SGCG: variants seen among roughly 807,000 people sequenced by gnomAD.
SGCG encodes the protein gamma-sarcoglycan.
Under a neutral mutation model 29.3 loss-of-function variants are expected in SGCG, and 26 were observed. The observed-to-expected ratio is 0.89, with a 90% CI of 0.65 to 1.23. The LOEUF (loss-of-function observed/expected upper bound fraction) is 1.23. Ranked by LOEUF, SGCG falls within the 50% of genes most tolerant of loss-of-function variation. The pLI is 0.00. For missense variants in SGCG, 353 were observed against 356.0 expected (o/e 0.99, Z 0.07); for synonymous variants, 145 against 129.7 (o/e 1.12, Z -0.80).
intron 3 of SGCG, among the ~76,000 whole-genome samples, chr13:23,235,175 C>T (rs1879260484): frequency 6.6e-6 from 1 of 152,102 alleles, no homozygotes. Context: ...GCTTGGCCAA[C>T]ATGGATAAAC....
At position 23,294,055 on chromosome 13, in the gene SGCG, G is replaced by A. The variant is rs372151032; in HGVS notation, c.506-1360G>A. 2.1e-4 allele frequency among the ~76,000 whole-genome samples: 32 copies of A among 152,222 alleles called. No homozygotes were observed. The East Asian group carries it at 5.0e-3, about 24-fold the overall frequency. On this transcript the variant is annotated intron_variant, in intron 5 of 7. Coordinates refer to ENST00000218867, the MANE Select transcript of SGCG (RefSeq NM_000231.3). ...GCCTTCTACAAAGCCATGGCAAGTC[G>A]GGGACCCTCTGTATTTCCTAAAGAG... is the stretch of plus-strand genomic sequence containing the variant.
the SGCG span, among the ~76,000 whole-genome samples, chr13:23,174,530 T>TA: frequency 6.6e-5 from 10 of 152,218 alleles, no homozygotes; most frequent in African/African-American, 2.4e-4. Flanking sequence ...TATAGTAGAT[T>TA]AAAAATAAAA....
chr13:23,265,821 G>T (rs1247627697), intron 4 of SGCG, among the ~76,000 whole-genome samples: 1 of 152,140 alleles, frequency 6.6e-6, no homozygotes, highest in African/African-American at 2.4e-5. Flanking sequence ...ACTGCTGATG[G>T]GAATGTAAAA....
intron 6 of SGCG, among the ~76,000 whole-genome samples, chr13:23,301,579 G>C (rs955628784): frequency 1.3e-5 from 2 of 152,132 alleles, no homozygotes; most frequent in Non-Finnish European, 2.9e-5. Flanking sequence ...AATTAGGAAA[G>C]AAATAGCATT....
chr13:23,186,044 G>A (rs546675317), intron 1 of SGCG, among the ~76,000 whole-genome samples: 2 of 152,274 alleles, frequency 1.3e-5, no homozygotes, highest in Admixed American at 1.3e-4. Flanking sequence ...CCCTTATGCA[G>A]ATGGTCTCAT....
At chr13:23,237,433 C>G (rs1008185496) in intron 3 of SGCG, among the ~76,000 whole-genome samples, 4 of 152,170 alleles carry the variant, frequency 2.6e-5, no homozygotes, top group Non-Finnish European at 4.4e-5. Context: ...GTGACAGGGA[C>G]CAAAAGGGCA....
At chr13:23,242,446 C>A (rs1879547407) in intron 3 of SGCG, among the ~76,000 whole-genome samples, 1 of 152,102 alleles carries the variant, frequency 6.6e-6, no homozygotes, top group South Asian at 2.1e-4. Flanking sequence ...ACACCTCTTT[C>A]TTTCACAGCT....
chr13:23,308,374 C>T (rs969046709), intron 6 of SGCG, among the ~76,000 whole-genome samples: 3 of 152,190 alleles, frequency 2.0e-5, no homozygotes, highest in East Asian at 1.9e-4. Context: ...CTTCTTTATC[C>T]GTAATGCTAT....
At chr13:23,300,909 A>G (rs1389860402) in intron 6 of SGCG, among the ~76,000 whole-genome samples, 2 of 151,916 alleles carry the variant, frequency 1.3e-5, no homozygotes, top group Non-Finnish European at 2.9e-5. Flanking sequence ...AGGTCAGGAG[A>G]TCAAGACCAT....
intron 3 of SGCG, chr13:23,243,381 A>G (rs1879582292): frequency 6.6e-6 from 1 of 152,346 alleles, no homozygotes. Flanking sequence ...CTTTTTCACA[A>G]GGAATGCAAA....
chr13:23,271,707 A>G (rs1880883533), intron 4 of SGCG, among the ~76,000 whole-genome samples: 1 of 152,226 alleles, frequency 6.6e-6, no homozygotes, highest in African/African-American at 2.4e-5. Context: ...TCATTCTATA[A>G]CATAGTTTAT....
At position 23,218,906 on chromosome 13, in the gene SGCG, A is replaced by G. The variant is rs1878539237; in HGVS notation, c.195+15017A>G. 3.4e-5 allele frequency among the ~76,000 whole-genome samples: 5 copies of G among 148,284 alleles called. No homozygotes were observed. The South Asian group carries it at 1.0e-3, about 31-fold the overall frequency. ...TGGGAAAATTATGAGCCAAAATAAC[A>G]ATATAAATATATATATTATTTAGTA... is the stretch of plus-strand genomic sequence containing the variant. On this transcript the variant is annotated intron_variant, in intron 2 of 7. Coordinates refer to ENST00000218867, the MANE Select transcript of SGCG (RefSeq NM_000231.3).
intron 1 of SGCG, among the ~76,000 whole-genome samples, chr13:23,198,337 A>C (rs1261163414): frequency 6.6e-6 from 1 of 152,246 alleles, no homozygotes. Flanking sequence ...TCGATTCACT[A>C]TATTATATGC....
chr13:23,283,189 A>C, intron 5 of SGCG, among the ~76,000 whole-genome samples: 1 of 152,252 alleles, frequency 6.6e-6, no homozygotes, highest in South Asian at 2.1e-4. Flanking sequence ...TTTCTGTCTC[A>C]TTAATGTGTC....
chr13:23,231,237 C>CTGAA (rs1879098002), intron 2 of SGCG, among the ~76,000 whole-genome samples: 1 of 151,436 alleles, frequency 6.6e-6, no homozygotes, highest in African/African-American at 2.4e-5. Flanking sequence ...GGATATAGAA[C>CTGAA]TGAAGTTTTC....
intron 1 of SGCG, among the ~76,000 whole-genome samples, chr13:23,194,058 G>A (rs181703296): frequency 6.6e-6 from 1 of 152,172 alleles, no homozygotes; most frequent in Admixed American, 6.5e-5. Flanking sequence ...AAAAAGTGAG[G>A]GAAATAAAAT....
At chr13:23,320,615 G>GCTTTTTTTCC in intron 6 of SGCG, 22 bp from the exon 7 acceptor site, 1 of 710,898 alleles carries the variant, frequency 1.4e-6, no homozygotes, top group Non-Finnish European at 1.8e-6. Flanking sequence ...TTTTTTTTTT[G>GCTTTTTTTCC]TGCTTCTTTT....
At chr13:23,170,834 C>A in the SGCG span, among the ~76,000 whole-genome samples, 1 of 152,350 alleles carries the variant, frequency 6.6e-6, no homozygotes, top group East Asian at 1.9e-4. Flanking sequence ...AAGACAAGTG[C>A]AGCTGCATGG....
At chr13:23,316,786 A>G (rs1882830969) in intron 6 of SGCG, among the ~76,000 whole-genome samples, 1 of 152,232 alleles carries the variant, frequency 6.6e-6, no homozygotes, top group South Asian at 2.1e-4. Context: ...AGGAGACACA[A>G]CAATGATTCC....
Sources: allele counts gnomAD v4.1 joint callset (sites outside exome capture counted in the v4.1 genomes callset), GRCh38; gene constraint gnomAD v4.1.1; transcripts MANE v1.5; gene names NCBI Gene and HGNC (gene_info 2026-07-23, HGNC 2026-07-21).